The following ZBTB46 variants were observed in gnomAD, a reference collection of about 807,000 sequenced individuals.
ZBTB46 encodes the protein zinc finger and BTB domain containing 46.
In ZBTB46, 8 loss-of-function variants were observed where a neutral mutation model predicts 44.1. That is an observed-to-expected ratio of 0.18 (90% CI 0.11 to 0.33). The LOEUF (loss-of-function observed/expected upper bound fraction) is 0.33, where lower values mean the gene tolerates loss of function less well. Among genes scored for constraint, ZBTB46 ranks in the 10% least tolerant of loss-of-function variants. The pLI is 1.00. For missense variants in ZBTB46, 651 were observed against 847.7 expected (o/e 0.77, Z 2.88); for synonymous variants, 409 against 382.3 (o/e 1.07, Z -0.81).
chr20:63,772,926 G>A (rs953658555), intron 3 of ZBTB46, among the ~76,000 whole-genome samples: 6 of 152,282 alleles, frequency 3.9e-5, no homozygotes, highest in South Asian at 2.1e-4. Flanking sequence ...CACGTGCTCC[G>A]GGGCTCGCTT....
intron 3 of ZBTB46, among the ~76,000 whole-genome samples, chr20:63,758,792 T>C (rs2092248158): frequency 6.6e-6 from 1 of 150,752 alleles, no homozygotes; most frequent in Admixed American, 6.7e-5. Context: ...AGTGCAGTGG[T>C]GCGATCTCAG....
At chr20:63,768,310 G>A (rs1033540307) in intron 3 of ZBTB46, among the ~76,000 whole-genome samples, 3 of 152,210 alleles carry the variant, frequency 2.0e-5, no homozygotes, top group African/African-American at 7.2e-5. Context: ...TAGCACTTTG[G>A]GAGACCAAGG....
At chr20:63,789,475 G>GCC (rs1326056481) in intron 2 of ZBTB46, among the ~76,000 whole-genome samples, 1 of 152,164 alleles carries the variant, frequency 6.6e-6, no homozygotes, top group Non-Finnish European at 1.5e-5. Context: ...TGCAGGCCAC[G>GCC]CCCTCACCAG....
intron 2 of ZBTB46, among the ~76,000 whole-genome samples, chr20:63,781,018 G>A (rs1471075085): frequency 6.7e-6 from 1 of 148,986 alleles, no homozygotes; most frequent in Non-Finnish European, 1.5e-5. Context: ...GCGGGTGCCT[G>A]TAATCCCAGC....
chr20:63,763,469 T>C (rs1481570915), intron 3 of ZBTB46, among the ~76,000 whole-genome samples: 1 of 152,162 alleles, frequency 6.6e-6, no homozygotes, highest in African/African-American at 2.4e-5. Context: ...CTTCCAATCA[T>C]GGCAGAAGTC....
chr20:63,827,415 G>A (rs1458320901), intron 1 of ZBTB46, among the ~76,000 whole-genome samples: 1 of 151,862 alleles, frequency 6.6e-6, no homozygotes, highest in Non-Finnish European at 1.5e-5. Context: ...AGACCATCCT[G>A]GCTAACAAGG....
intron 2 of ZBTB46, among the ~76,000 whole-genome samples, chr20:63,788,896 C>T (rs1300081499): frequency 2.1e-5 from 3 of 146,304 alleles, no homozygotes; most frequent in Admixed American, 6.9e-5. Flanking sequence ...AGTGCAATGG[C>T]GCGATCTCGG....
rs554801521 is a variant in ZBTB46 at position 63,768,454 on chromosome 20, G to T, written c.1222+7224C>A. 5.9e-5 allele frequency among the ~76,000 whole-genome samples: 9 copies of T among 152,250 alleles called. No individual in the cohort carries two copies. The South Asian group carries it at 1.9e-3, about 32-fold the overall frequency. The stretch of plus-strand genomic sequence containing the variant: ...AAAAACACAAAAATTAGCCAGGCGT[G>T]GTGGTGTGCCCAACGGGATACCCTA... On this transcript the variant is annotated intron_variant, in intron 3 of 4. Transcript: ENST00000245663.
At chr20:63,824,434 A>G (rs779337035) in intron 1 of ZBTB46, among the ~76,000 whole-genome samples, 1 of 152,172 alleles carries the variant, frequency 6.6e-6, no homozygotes, top group Non-Finnish European at 1.5e-5. Context: ...CCACACCAAG[A>G]CAAGAAAGAC....
At chr20:63,780,715 T>C (rs1443130073) in intron 2 of ZBTB46, among the ~76,000 whole-genome samples, 3 of 150,698 alleles carry the variant, frequency 2.0e-5, no homozygotes, top group East Asian at 2.0e-4. Context: ...GGCAGGAGAA[T>C]GGTGTGAACC....
chr20:63,792,015 C>T (rs1270571059), intron 1 of ZBTB46, among the ~76,000 whole-genome samples: 1 of 152,178 alleles, frequency 6.6e-6, no homozygotes, highest in East Asian at 1.9e-4. Flanking sequence ...AGGCATCGCA[C>T]GAGCTCTGCC....
At chr20:63,816,252 G>C in intron 1 of ZBTB46, 1 of 223,756 alleles carries the variant, frequency 4.5e-6, no homozygotes, top group Non-Finnish European at 9.3e-6. Flanking sequence ...TTCGGATTGG[G>C]AGGCACAAGC....
intron 3 of ZBTB46, among the ~76,000 whole-genome samples, chr20:63,765,102 T>C (rs1032617986): frequency 6.6e-6 from 1 of 151,132 alleles, no homozygotes; most frequent in Non-Finnish European, 1.5e-5. Context: ...TGTGTATGTG[T>C]GGTTGTGTGT....
At chr20:63,795,457 G>T (rs1052720191) in intron 1 of ZBTB46, among the ~76,000 whole-genome samples, 1 of 152,258 alleles carries the variant, frequency 6.6e-6, no homozygotes, top group Non-Finnish European at 1.5e-5. Flanking sequence ...GCTGCGTGGG[G>T]CCTGTCCTGC....
At chr20:63,781,989 A>G (rs1187074117) in intron 2 of ZBTB46, among the ~76,000 whole-genome samples, 1 of 149,832 alleles carries the variant, frequency 6.7e-6, no homozygotes, top group Admixed American at 6.7e-5. Context: ...CAGGAGGCTG[A>G]GGCAGGAGAA....
upstream of ZBTB46, among the ~76,000 whole-genome samples, chr20:63,832,608 C>T (rs2092857801): frequency 6.6e-6 from 1 of 152,212 alleles, no homozygotes; most frequent in South Asian, 2.1e-4. This position sits in a 1 kb window ranked among gnomAD's most constrained non-coding sequence, Gnocchi z 5.0. Flanking sequence ...GGGACACTCC[C>T]TTACTGCCGT....
At chr20:63,796,832 AT>A (rs2092607668) in intron 1 of ZBTB46, among the ~76,000 whole-genome samples, 2 of 152,066 alleles carry the variant, frequency 1.3e-5, no homozygotes, top group South Asian at 2.1e-4. Context: ...TCTCAAAAAA[AT>A]AAAATAAAAT....
At chr20:63,762,493 A>G (rs1208296367) in intron 3 of ZBTB46, among the ~76,000 whole-genome samples, 1 of 152,098 alleles carries the variant, frequency 6.6e-6, no homozygotes, top group Non-Finnish European at 1.5e-5. Flanking sequence ...CTCTACTAAA[A>G]ATACACAAAA....
At chr20:63,779,113 C>T (rs1296907713) in intron 2 of ZBTB46, among the ~76,000 whole-genome samples, 1 of 152,198 alleles carries the variant, frequency 6.6e-6, no homozygotes, top group Admixed American at 6.5e-5. Flanking sequence ...TCACTTCCTT[C>T]AAGGCCCTCC....
Sources: gnomAD v4.1 joint callset for allele counts (sites outside exome capture counted in the v4.1 genomes callset) on GRCh38, gnomAD v4.1.1 for gene constraint, Gnocchi (gnomAD v3.1) non-coding constraint, MANE v1.5 for transcripts, NCBI Gene and HGNC (gene_info 2026-07-23, HGNC 2026-07-21) for gene names.